CFHR4: variants seen among roughly 807,000 people sequenced by gnomAD.
The protein encoded by CFHR4 is complement factor H related 4.
A neutral mutation model predicts 69.3 loss-of-function variants in CFHR4; 64 were observed. The observed-to-expected ratio is 0.92, with a 90% CI of 0.76 to 1.14. The LOEUF (loss-of-function observed/expected upper bound fraction) is 1.14. CFHR4 is among the 50% of genes most tolerant of loss of function. The pLI is 0.00. For synonymous variants in CFHR4, 244 were observed against 237.0 expected (o/e 1.03, Z -0.27); for missense variants, 636 against 684.9 (o/e 0.93, Z 0.80).
chr1:196,914,027 G>T (rs2124972953), intron 7 of CFHR4, among the ~76,000 whole-genome samples: 1 of 151,350 alleles, frequency 6.6e-6, no homozygotes, highest in Admixed American at 6.6e-5. Flanking sequence ...ATAAAAGACA[G>T]GATGCTTCAT....
At position 196,888,117 on chromosome 1, in the gene CFHR4, C is replaced by A; in HGVS notation, c.-34C>A. 1 of 1,601,826 alleles carries A rather than the reference C, an allele frequency of 6.2e-7. No individual in the cohort carries two copies. The highest frequency in any genetic ancestry group is 8.5e-7 in the Non-Finnish European group (1 of 1,171,078). ...CAAACCCCAAACAGTGCAACTGAAA[C>A]TTTTGCATTACTATACTACTGAGAA... On this transcript the variant is annotated 5_prime_UTR_variant, in exon 1 of 10. Coordinates refer to ENST00000608469, the MANE Select transcript of CFHR4 (RefSeq NM_001201550.3).
At chr1:196,888,863 T>C (rs1429773956) in intron 1 of CFHR4, among the ~76,000 whole-genome samples, 1 of 151,470 alleles carries the variant, frequency 6.6e-6, no homozygotes, top group Non-Finnish European at 1.5e-5. Flanking sequence ...GTTCAATAAA[T>C]AAATACATAA....
chr1:196,909,226 G>T lies in CFHR4; in HGVS notation c.800-1055G>T, dbSNP rs537282828. On this transcript the variant is annotated intron_variant, in intron 5 of 9. Coordinates refer to ENST00000608469, the MANE Select transcript of CFHR4 (RefSeq NM_001201550.3). ...CTTCTCATAATCAAGAACAGGAAAG[G>T]ATTATAATTATCTGAGGACATAAGA... Among the ~76,000 whole-genome samples the T allele has an allele frequency of 2.7e-4, 41 of 151,478 alleles. 2 individuals carry two copies. Among genetic ancestry groups the T allele is most frequent in the Non-Finnish European group, 5.3e-4 (36 of 67,930 alleles).
At chr1:196,901,367 A>C (rs1657591918) in intron 1 of CFHR4, among the ~76,000 whole-genome samples, 1 of 151,460 alleles carries the variant, frequency 6.6e-6, no homozygotes, top group Admixed American at 6.6e-5. Context: ...AAGAGATGCA[A>C]GAATTCAACA....
In CFHR4 at chr1:196,907,493, G is replaced by A. The variant is rs1282732013; in HGVS notation, c.794G>A (p.Cys265Tyr). The A allele has an allele frequency of 1.2e-5, 19 of 1,606,570 alleles. 2 individuals carry two copies. Among genetic ancestry groups the A allele is most frequent in the Non-Finnish European group, 1.6e-5 (19 of 1,175,514 alleles). ...SNGDWSEPPR[C>Y]ISMKPCEFPE... Reference sequence around the variant, plus strand: ...GGAGACTGGTCAGAACCACCAAGATGCATATGTAAGTTCTTAATATTCTGG... The same window carrying A: ...GGAGACTGGTCAGAACCACCAAGATACATATGTAAGTTCTTAATATTCTGG... The change falls in exon 5 of 10, where the codon TGC (cysteine) becomes TAC (tyrosine). Residue 265 changes from cysteine (C) to tyrosine (Y), a missense_variant. Physicochemically the swap from Cys to Tyr is radical, Grantham distance 194. Transcript: ENST00000608469.
chr1:196,894,215 G>A (rs952948188), intron 1 of CFHR4, among the ~76,000 whole-genome samples: 3 of 151,478 alleles, frequency 2.0e-5, no homozygotes, highest in Non-Finnish European at 4.4e-5. Context: ...CCTAAATTAT[G>A]TAGAAAATGA....
rs1658192116 is a variant in CFHR4 at position 196,910,367 on chromosome 1, G to C, written c.886G>C (p.Gly296Arg). The C allele has an allele frequency of 2.5e-6, 4 of 1,611,752 alleles. 1 individual carries two copies. In the African/African-American group the frequency reaches 4.0e-5, roughly 16 times the overall value. The change falls in exon 6 of 10, where the codon GGA becomes CGA. Residue 296 changes from glycine to arginine, a missense_variant. Gly to Arg is a moderately radical substitution (Grantham distance 125). This residue lies in a region of CFHR4 where 529 missense variants were observed against 533.2 expected (regional missense o/e 0.99). Coordinates refer to ENST00000608469, the MANE Select transcript of CFHR4 (RefSeq NM_001201550.3). The part of the protein sequence containing the change: ...TRRPYFPVAT[G>R]QSYSYYCDQN... ...TAGACCATACTTTCCAGTAGCTACA[G>C]GACAATCTTACTCCTATTACTGTGA... is the stretch of plus-strand genomic sequence containing the variant.
chr1:196,916,475 ACT>A (rs1433393178), intron 9 of CFHR4, among the ~76,000 whole-genome samples: 1 of 151,816 alleles, frequency 6.6e-6, no homozygotes, highest in Non-Finnish European at 1.5e-5. Context: ...TTTCATATTG[ACT>A]GATGACGCTG....
Position 196,918,361 on chromosome 1 carries a change from A to T in CFHR4, c.1692A>T (p.Gln564His), listed in dbSNP as rs1658781397. 6.2e-7 allele frequency: 1 copy of T among 1,612,214 alleles called. No individual in the cohort carries two copies. Among genetic ancestry groups the T allele is most frequent in the Non-Finnish European group, 8.5e-7 (1 of 1,179,296 alleles). The stretch of plus-strand genomic sequence containing the variant: ...CGAATACATCAGTTCTATCATTTCA[A>T]GCAGTGTGTAGGGAAGGCATAGTGG... ...YNANTSVLSFQAVCREGIVEY... is the reference protein window; with the variant it reads ...YNANTSVLSFHAVCREGIVEY... Residue 564 changes from glutamine to histidine, a missense_variant, in exon 10 of 10, where the codon CAA (glutamine) becomes CAT (histidine). Physicochemically the swap from Gln to His is conservative, Grantham distance 24. Around this residue, in one of 3 missense-constraint regions of CFHR4, gnomAD observed 85 missense variants for 79.0 expected, o/e 1.08. Transcript: ENST00000608469.
At chr1:196,918,125 A>G (rs1658762755) in intron 9 of CFHR4, 85 bp from the exon 10 acceptor site, 3 of 1,340,136 alleles carry the variant, frequency 2.2e-6, no homozygotes, top group Admixed American at 2.3e-5. Context: ...ATTTTATTTT[A>G]TCCTAAACTA....
At position 196,915,434 on chromosome 1, in the gene CFHR4, G is replaced by T. The variant is rs530846828; in HGVS notation, c.1540+296G>T. The stretch of plus-strand genomic sequence containing the variant: ...AGGCAGATCACGAGGTCAGGAGTTC[G>T]AGATCAGCCTGACCAACATGGTGAA... On this transcript the variant is annotated intron_variant, in intron 9 of 9. Coordinates refer to ENST00000608469, the MANE Select transcript of CFHR4 (RefSeq NM_001201550.3). 1.9e-4 allele frequency among the ~76,000 whole-genome samples: 29 copies of T among 151,410 alleles called. 2 individuals carry two copies. Among genetic ancestry groups the T allele is most frequent in the African/African-American group, 6.6e-4 (27 of 41,104 alleles).
At chr1:196,888,675 T>G (rs939009234) in intron 1 of CFHR4, among the ~76,000 whole-genome samples, 4 of 151,260 alleles carry the variant, frequency 2.6e-5, no homozygotes, top group African/African-American at 9.7e-5. Context: ...TTCTTATATT[T>G]CTATTATACC....
intron 1 of CFHR4, among the ~76,000 whole-genome samples, chr1:196,888,940 A>T (rs1471065657): frequency 6.6e-6 from 1 of 150,990 alleles, no homozygotes; most frequent in Non-Finnish European, 1.5e-5. Flanking sequence ...TGTATTTTCT[A>T]TATTAACTAT....
Position 196,905,062 on chromosome 1 carries a change from A to T in CFHR4, c.257-46A>T, listed in dbSNP as rs12406509. The T allele has an allele frequency of 8.9e-6, 13 of 1,457,742 alleles. No individual in the cohort carries two copies. The East Asian group carries it at 3.1e-4, about 34-fold the overall frequency. The allele number at this position is 1,457,742 out of a possible 1,614,324, so 90.3% of individuals were successfully genotyped here. A position where few individuals can be genotyped will look rare whatever the true frequency, so the allele number is the denominator to read the frequency against. On this transcript the variant is annotated intron_variant, in intron 2 of 9. Transcript: ENST00000608469. ...TTTACTTGTTCCCTTCTATAAAAGA[A>T]GTATTCAACAAATATTTACTTTTTT... is the stretch of plus-strand genomic sequence containing the variant.
chr1:196,896,766 G>A (rs1252606411), intron 1 of CFHR4, among the ~76,000 whole-genome samples: 1 of 151,522 alleles, frequency 6.6e-6, no homozygotes, highest in Non-Finnish European at 1.5e-5. Flanking sequence ...GACAAATTCT[G>A]GCCATGCAAC....
chr1:196,909,081 G>A (rs1229109799), intron 5 of CFHR4, among the ~76,000 whole-genome samples: 5 of 151,472 alleles, frequency 3.3e-5, no homozygotes, highest in African/African-American at 1.2e-4. Context: ...AAGTATCTTT[G>A]AACATGATTT....
intron 1 of CFHR4, among the ~76,000 whole-genome samples, chr1:196,895,397 T>C (rs1487011294): frequency 2.0e-5 from 3 of 151,604 alleles, no homozygotes; most frequent in African/African-American, 7.3e-5. Flanking sequence ...CCTTCCGAAA[T>C]CCACTTTGTG....
chr1:196,911,575 T>C (rs1443560220), intron 6 of CFHR4, among the ~76,000 whole-genome samples: 1 of 151,494 alleles, frequency 6.6e-6, no homozygotes, highest in Non-Finnish European at 1.5e-5. Context: ...AAGGGGTCTC[T>C]GAAAGTTGTT....
In CFHR4 at chr1:196,905,282, T is replaced by A. The variant is rs772653217; in HGVS notation, c.431T>A (p.Ile144Asn). ...CAAAATGGATGGTCAACACAACCAA[T>A]TTGCATTAGTAAGTTATTTACATAT... ...CLQNGWSTQP[I>N]CIKFCDMPVF... The change falls in exon 3 of 10, where the codon ATT (isoleucine) becomes AAT (asparagine). Residue 144 changes from isoleucine to asparagine, a missense_variant. By Grantham distance (149) the Ile-to-Asn change is moderately radical (BLOSUM62 -3). Transcript: ENST00000608469. 10 of 1,611,116 alleles carry A rather than the reference T, an allele frequency of 6.2e-6. 2 individuals are homozygous for A. Among genetic ancestry groups the A allele is most frequent in the Middle Eastern group, 1.7e-4 (1 of 6,044 alleles).
Sources: gnomAD v4.1 joint callset for allele counts (sites outside exome capture counted in the v4.1 genomes callset) on GRCh38, gnomAD v4.1.1 for gene constraint, gnomAD v4.1.1 regional missense constraint, MANE v1.5 for transcripts, NCBI Gene and HGNC (gene_info 2026-07-23, HGNC 2026-07-21) for gene names.